Variants in ADCY7 observed in about 807,000 individuals in gnomAD.
ADCY7 encodes the protein adenylate cyclase type 7.
Under a neutral mutation model 120.6 loss-of-function variants are expected in ADCY7, and 72 were observed. The ratio of observed to expected loss-of-function variants is 0.60; its 90% CI spans 0.49 to 0.73. The LOEUF (loss-of-function observed/expected upper bound fraction) is 0.73, where lower values mean the gene tolerates loss of function less well. Ranked by LOEUF, ADCY7 falls within the 30% of genes least tolerant of loss-of-function variation. The pLI, the probability that ADCY7 is intolerant of heterozygous loss-of-function variation, is 0.00. For missense variants in ADCY7, 1,227 were observed against 1,486.0 expected (o/e 0.83, Z 2.87); for synonymous variants, 661 against 628.0 (o/e 1.05, Z -0.78).
chr16:50,309,914 CG>C (rs1158563209), intron 18 of ADCY7, among the ~76,000 whole-genome samples: 5 of 152,088 alleles, frequency 3.3e-5, no homozygotes, highest in Non-Finnish European at 1.5e-5. Context: ...TGGCCTTGTG[CG>C]GGTCTCTGGT....
intron 21 of ADCY7, among the ~76,000 whole-genome samples, chr16:50,312,580 G>A (rs2036548535): frequency 6.6e-6 from 1 of 152,268 alleles, no homozygotes; most frequent in Admixed American, 6.5e-5. Flanking sequence ...GATAGGAAAC[G>A]GAGGCCCAGT....
intron 20 of ADCY7, 56 bp downstream of exon 20, chr16:50,311,842 C>T: frequency 7.5e-7 from 1 of 1,331,148 alleles, no homozygotes; most frequent in Non-Finnish European, 1.1e-6. Flanking sequence ...TCCTCACCTC[C>T]ATCTGGAGAT....
intron 1 of ADCY7, among the ~76,000 whole-genome samples, chr16:50,286,822 G>GA (rs2034611808): frequency 6.6e-6 from 1 of 152,224 alleles, no homozygotes; most frequent in South Asian, 2.1e-4. Context: ...TATCCATATG[G>GA]AAAAAAGAAG....
chr16:50,274,742 C>T (rs761871515), intron 1 of ADCY7, among the ~76,000 whole-genome samples: 10 of 152,090 alleles, frequency 6.6e-5, no homozygotes, highest in Non-Finnish European at 1.3e-4. Context: ...ATGGGTGGCA[C>T]GCTGAGCTCT....
chr16:50,298,407 C>T (rs565642898), intron 7 of ADCY7, among the ~76,000 whole-genome samples: 8 of 152,286 alleles, frequency 5.3e-5, no homozygotes, highest in South Asian at 4.1e-4. Flanking sequence ...GAGAGGTCTT[C>T]GCTGGCCTCC....
At chr16:50,289,181 ATCC>A (rs1426466174) in intron 2 of ADCY7, 1 of 320,706 alleles carries the variant, frequency 3.1e-6, no homozygotes, top group Admixed American at 4.4e-5. Context: ...CATTCTCAGA[ATCC>A]TCCTTTTGTT....
chr16:50,288,271 A>G lies in ADCY7; in HGVS notation c.92A>G (p.His31Arg), dbSNP rs1406143863. 7.1e-6 allele frequency: 11 copies of G among 1,551,104 alleles called. No individual in the cohort carries two copies. Among genetic ancestry groups the G allele is most frequent in the African/African-American group, 1.4e-5 (1 of 73,056 alleles). ...LYEKYQLTSQ[H>R]GPLLLTLLLV... ...GAGAAGTACCAGCTCACCAGCCAGC[A>G]TGGGCCGCTGCTGCTCACGCTCCTG... Residue 31 changes from histidine (H) to arginine (R), a missense_variant, in exon 2 of 26, where the codon CAT becomes CGT. This residue lies in a region of ADCY7 where 382 missense variants were observed against 411.4 expected (regional missense o/e 0.93). Coordinates refer to ENST00000673801, the MANE Select transcript of ADCY7 (RefSeq NM_001114.5).
Position 50,315,409 on chromosome 16 carries a change from AT to A in ADCY7, c.3148del (p.Cys1050AlafsTer4). Reference protein sequence around the residue: ...ILQGLGYSCECRGLINVKGKG... With the variant: ...ILQGLGYSCEXRGLINVKGKG... ...TCCAGGGCCTCGGGTACTCTTGTGA[AT>A]GCCGTGGCCTGATCAACGTCAAAGG... On this transcript the variant is annotated frameshift_variant, in exon 26 of 26. Coordinates refer to ENST00000673801, the MANE Select transcript of ADCY7 (RefSeq NM_001114.5). LOFTEE classifies it high-confidence loss of function. 6.2e-7 allele frequency: 1 copy of A among 1,614,054 alleles called. No individual in the cohort carries two copies. The highest frequency in any genetic ancestry group is 8.5e-7 in the Non-Finnish European group (1 of 1,179,892).
chr16:50,292,536 C>A, intron 4 of ADCY7, 140 bp from the exon 5 acceptor site: 2 of 1,068,792 alleles, frequency 1.9e-6, no homozygotes, highest in Non-Finnish European at 2.7e-6. Context: ...TCCCTGTCTG[C>A]CCCAGGAAGA....
chr16:50,302,451 C>T (rs1331983027), intron 10 of ADCY7, among the ~76,000 whole-genome samples: 1 of 152,218 alleles, frequency 6.6e-6, no homozygotes, highest in African/African-American at 2.4e-5. Context: ...AAACTGCAGG[C>T]TGCCTGGGCC....
At chr16:50,295,345 A>ATTTTTTTTTTTTTTTTTTTTTTTTT (rs67137852) in intron 7 of ADCY7, among the ~76,000 whole-genome samples, 1 of 82,738 alleles carries the variant, frequency 1.2e-5, no homozygotes, top group Non-Finnish European at 2.3e-5. Context: ...CGCCTGGCTA[A>ATTTTTTTTTTTTTTTTTTTTTTTTT]TTTTTTTTTT....
Position 50,308,341 on chromosome 16 carries a change from G to C in ADCY7, c.1865G>C (p.Gly622Ala), listed in dbSNP as rs375929825. 7 of 1,614,198 alleles carry C rather than the reference G, an allele frequency of 4.3e-6. No individual in the cohort carries two copies. The highest frequency in any genetic ancestry group is 5.9e-6 in the Non-Finnish European group (7 of 1,180,032). ...VLLMPRTAAL[G>A]VSFGLVACVL... ...CTCCTCTCCAGGACGGCGGCACTGG[G>C]TGTGTCCTTCGGGCTGGTGGCCTGT... The change falls in exon 16 of 26, where the codon GGT becomes GCT. Residue 622 changes from glycine to alanine, a missense_variant. Gly to Ala is a moderately conservative substitution (Grantham distance 60). Transcript: ENST00000673801.
At chr16:50,304,780 T>A (rs2035953392) in intron 11 of ADCY7, 145 bp from the exon 12 acceptor site, 10 of 1,170,730 alleles carry the variant, frequency 8.5e-6, no homozygotes, top group Non-Finnish European at 1.3e-5. Context: ...CACGCTCAGC[T>A]ATAGTCAGGA....
chr16:50,315,442 C>T lies in ADCY7; in HGVS notation c.3180C>T (p.Gly1060=), dbSNP rs1047915299. 1.7e-5 allele frequency: 27 copies of T among 1,614,034 alleles called. No homozygotes were observed. Among genetic ancestry groups the T allele is most frequent in the African/African-American group, 8.0e-5 (6 of 74,922 alleles). Reference sequence around the variant, plus strand: ...GCCTGATCAACGTCAAAGGCAAAGGCGAGCTGAGGACTTACTTTGTCTGTA... The same window carrying T: ...GCCTGATCAACGTCAAAGGCAAAGGTGAGCTGAGGACTTACTTTGTCTGTA... ...CRGLINVKGK[G]ELRTYFVCTD... The change falls in exon 26 of 26, where the codon GGC becomes GGT. Residue 1060 remains glycine (G), a synonymous_variant. Coordinates refer to ENST00000673801, the MANE Select transcript of ADCY7 (RefSeq NM_001114.5).
chr16:50,315,246 C>G (rs2036742641), intron 25 of ADCY7, 108 bp downstream of exon 25: 11 of 1,569,464 alleles, frequency 7.0e-6, no homozygotes, highest in African/African-American at 1.4e-5. Context: ...ATGGTTCTAG[C>G]TATCACACTC....
rs982463767 is a variant in ADCY7, at chr16:50,317,409, G to C, written c.*1904G>C. On this transcript the variant is annotated 3_prime_UTR_variant, in exon 26 of 26. Transcript: ENST00000673801. The stretch of plus-strand genomic sequence containing the variant: ...TGCCCGGCGGGGGCTCTCCTGGCAA[G>C]TCAGGAAGGTTTCTGTTGCTAATAT... The C allele has an allele frequency of 7.3e-5, 11 of 150,440 alleles. No individual in the cohort carries two copies. Among genetic ancestry groups the C allele is most frequent in the African/African-American group, 2.8e-4 (11 of 39,632 alleles). 9.3% of individuals were successfully genotyped at this position (150,440 alleles called of 1,614,324 possible). A position where few individuals can be genotyped will look rare whatever the true frequency, so the allele number is the denominator to read the frequency against.
chr16:50,308,628 G>C, intron 16 of ADCY7, 39 bp from the exon 17 acceptor site: 1 of 1,590,396 alleles, frequency 6.3e-7, no homozygotes, highest in Non-Finnish European at 8.6e-7. Context: ...CCTTGCCCAG[G>C]CTGTTGGCTC....
chr16:50,279,537 A>C (rs944651991), intron 1 of ADCY7: 1 of 152,190 alleles, frequency 6.6e-6, no homozygotes, highest in Non-Finnish European at 1.5e-5. Flanking sequence ...GTCAGTTGAT[A>C]AACACTGTTG....
At position 50,300,728 on chromosome 16, in the gene ADCY7, G is replaced by C; in HGVS notation, c.1090G>C (p.Ala364Pro). ...MCQAIKQVRE[A>P]TGVDINMRVG... is the part of the protein sequence containing the mutation. ...ACTCTGCCCCAGGCAGGTGCGGGAG[G>C]CCACGGGCGTGGACATCAACATGCG... The change falls in exon 9 of 26, where the codon GCC (alanine) becomes CCC (proline). Residue 364 changes from alanine to proline, a missense_variant. Around this residue, in one of 5 missense-constraint regions of ADCY7, gnomAD observed 332 missense variants for 455.8 expected, o/e 0.73. Coordinates refer to ENST00000673801, the MANE Select transcript of ADCY7 (RefSeq NM_001114.5). The C allele has an allele frequency of 6.4e-7, 1 of 1,551,788 alleles. No homozygotes were observed. The highest frequency in any genetic ancestry group is 1.2e-5 in the South Asian group (1 of 84,066).
Sources: gnomAD v4.1 joint callset for allele counts (sites outside exome capture counted in the v4.1 genomes callset) on GRCh38, gnomAD v4.1.1 for gene constraint, gnomAD v4.1.1 regional missense constraint, MANE v1.5 for transcripts, NCBI Gene and HGNC (gene_info 2026-07-23, HGNC 2026-07-21) for gene names.